The following TXNDC16 variants were observed in gnomAD, a reference collection of about 807,000 sequenced individuals.
TXNDC16 encodes thioredoxin domain containing 16, also known as thioredoxin domain-containing protein 16.
Under a neutral mutation model 85.6 loss-of-function variants are expected in TXNDC16, and 74 were observed. The observed-to-expected ratio is 0.86, with a 90% CI of 0.72 to 1.05. TXNDC16 has a LOEUF of 1.05. TXNDC16 is among the 50% of genes least tolerant of loss of function. The probability of loss-of-function intolerance (pLI) is 0.00; values close to 1 mark genes in which losing one functional copy is unlikely to be tolerated. For missense variants in TXNDC16, 959 were observed against 947.0 expected (o/e 1.01, Z -0.17); for synonymous variants, 335 against 326.5 (o/e 1.03, Z -0.28).
chr14:52,504,212 A>G (rs2036733449), intron 9 of TXNDC16, among the ~76,000 whole-genome samples: 1 of 152,204 alleles, frequency 6.6e-6, no homozygotes, highest in African/African-American at 2.4e-5. Context: ...TTCAGGAAAT[A>G]CAGAGAACAC....
At chr14:52,456,734 C>T (rs2035542172) in intron 17 of TXNDC16, among the ~76,000 whole-genome samples, 1 of 152,100 alleles carries the variant, frequency 6.6e-6, no homozygotes, top group Non-Finnish European at 1.5e-5. Context: ...TACCCACTCA[C>T]CCACCCAGGG....
At position 52,552,501 on chromosome 14, in the gene TXNDC16, G is replaced by A. The variant is rs1054461750; in HGVS notation, c.-367C>T. 3 of 152,380 alleles carry A rather than the reference G, an allele frequency of 2.0e-5. No individual in the cohort carries two copies. The highest frequency in any genetic ancestry group is 4.4e-5 in the Non-Finnish European group (3 of 68,192). The allele number at this position is 152,380 out of a possible 1,614,324, so 9.4% of individuals were successfully genotyped here. ...TCCCTCCCAGCCTGCAGCCGCCACC[G>A]ACTCGGCGGAGTCGGCCTCCTGGGA... On this transcript the variant is annotated 5_prime_UTR_variant, in exon 1 of 21. Coordinates refer to ENST00000281741, the MANE Select transcript of TXNDC16 (RefSeq NM_020784.3).
intron 6 of TXNDC16, among the ~76,000 whole-genome samples, chr14:52,522,800 C>T (rs1169627180): frequency 1.3e-5 from 2 of 152,122 alleles, no homozygotes; most frequent in Admixed American, 1.3e-4. Flanking sequence ...CCAGTCAGAC[C>T]CAGATTCTAG....
intron 18 of TXNDC16, among the ~76,000 whole-genome samples, chr14:52,452,943 G>A (rs930452230): frequency 3.9e-5 from 6 of 152,016 alleles, no homozygotes; most frequent in African/African-American, 1.2e-4. Flanking sequence ...TCTGACAAGG[G>A]ATTAATAACC....
At chr14:52,528,641 A>T (rs963784220) in intron 6 of TXNDC16, among the ~76,000 whole-genome samples, 2 of 151,188 alleles carry the variant, frequency 1.3e-5, no homozygotes, top group Non-Finnish European at 3.0e-5. Flanking sequence ...TATAAATACA[A>T]AAAAATTGCT....
intron 12 of TXNDC16, among the ~76,000 whole-genome samples, chr14:52,483,855 G>A (rs2036204497): frequency 6.6e-6 from 1 of 152,204 alleles, no homozygotes; most frequent in African/African-American, 2.4e-5. Flanking sequence ...CGGTAAGACA[G>A]ATGGAGCATA....
chr14:52,498,723 A>G (rs1294628078), intron 9 of TXNDC16, among the ~76,000 whole-genome samples: 1 of 152,178 alleles, frequency 6.6e-6, no homozygotes, highest in African/African-American at 2.4e-5. Context: ...AGACTTAATA[A>G]TATTATTAAA....
chr14:52,519,548 T>C (rs1180188322), intron 6 of TXNDC16, among the ~76,000 whole-genome samples: 1 of 152,244 alleles, frequency 6.6e-6, no homozygotes, highest in African/African-American at 2.4e-5. Flanking sequence ...AGATTAAAAC[T>C]GTATTCACTA....
At chr14:52,440,491 C>A in intron 19 of TXNDC16, 73 bp downstream of exon 19, 2 of 1,274,698 alleles carry the variant, frequency 1.6e-6, no homozygotes, top group Non-Finnish European at 2.1e-6. Flanking sequence ...TAGAGAGTTT[C>A]GTTTCCTAAT....
chr14:52,482,186 A>G lies in TXNDC16; in HGVS notation c.1312+44T>C, dbSNP rs768610222. 38 of 1,492,720 alleles carry G rather than the reference A, an allele frequency of 2.5e-5. No homozygotes were observed. In the Admixed American group the frequency reaches 4.2e-4, roughly 17 times the overall value. The allele number at this position is 1,492,720 out of a possible 1,614,324, so 92.5% of individuals were successfully genotyped here. The stretch of plus-strand genomic sequence containing the variant: ...ATGACATAGTTTTACAAATAGCTAC[A>G]GCTTAGAATCAGAATAATAAGCATG... On this transcript the variant is annotated intron_variant, in intron 14 of 20. Transcript: ENST00000281741.
intron 6 of TXNDC16, among the ~76,000 whole-genome samples, chr14:52,527,311 T>G (rs1439812748): frequency 6.6e-6 from 1 of 152,144 alleles, no homozygotes; most frequent in Non-Finnish European, 1.5e-5. Context: ...GTAGGTACTG[T>G]CAGAATTGAA....
At chr14:52,465,420 G>A (rs1013981089) in intron 16 of TXNDC16, among the ~76,000 whole-genome samples, 4 of 151,884 alleles carry the variant, frequency 2.6e-5, no homozygotes, top group East Asian at 1.9e-4. Flanking sequence ...GTGAAACCCC[G>A]TCTCTACTAA....
At chr14:52,453,222 T>G (rs2035452979) in intron 18 of TXNDC16, among the ~76,000 whole-genome samples, 1 of 152,102 alleles carries the variant, frequency 6.6e-6, no homozygotes, top group Non-Finnish European at 1.5e-5. Context: ...CCTCGTATAC[T>G]CTCAGTGGGA....
At chr14:52,446,823 G>T (rs573211784) in intron 18 of TXNDC16, among the ~76,000 whole-genome samples, 2 of 152,178 alleles carry the variant, frequency 1.3e-5, no homozygotes, top group South Asian at 2.1e-4. Context: ...TACACCCTGG[G>T]CCAGAAGGGA....
intron 14 of TXNDC16, among the ~76,000 whole-genome samples, chr14:52,477,261 C>T (rs747766496): frequency 1.6e-4 from 24 of 151,862 alleles, no homozygotes; most frequent in Non-Finnish European, 2.5e-4. Flanking sequence ...AAAACAGATA[C>T]AATTTTTTTA....
intron 16 of TXNDC16, among the ~76,000 whole-genome samples, chr14:52,465,661 A>C (rs1478197118): frequency 6.6e-6 from 1 of 152,174 alleles, no homozygotes; most frequent in Non-Finnish European, 1.5e-5. Flanking sequence ...AAAAGCAACA[A>C]ATAACATTCC....
chr14:52,517,554 C>T, intron 7 of TXNDC16, among the ~76,000 whole-genome samples: 1 of 151,996 alleles, frequency 6.6e-6, no homozygotes, highest in East Asian at 1.9e-4. Context: ...CCATATCTAC[C>T]CACCCACTTG....
chr14:52,491,048 T>A, intron 9 of TXNDC16, 43 bp from the exon 10 acceptor site: 1 of 1,543,836 alleles, frequency 6.5e-7, no homozygotes, highest in Non-Finnish European at 8.7e-7. Context: ...ATAACAATAT[T>A]CCAACATTTG....
intron 9 of TXNDC16, among the ~76,000 whole-genome samples, chr14:52,492,760 T>C (rs10129385): frequency 0.26 from 39,408 of 151,936 alleles, 5,222 homozygotes; most frequent in East Asian, 0.38. Context: ...GGGGCAGAAA[T>C]GTCAAGGGCA....
Sources: allele counts gnomAD v4.1 joint callset (sites outside exome capture counted in the v4.1 genomes callset), GRCh38; gene constraint gnomAD v4.1.1; transcripts MANE v1.5; gene names NCBI Gene and HGNC (gene_info 2026-07-23, HGNC 2026-07-21).